The following IFT140 variants were observed in gnomAD, a reference collection of about 807,000 sequenced individuals.
IFT140 encodes the protein intraflagellar transport protein 140 homolog.
In IFT140, 133 loss-of-function variants were observed where a neutral mutation model predicts 164.6. That is an observed-to-expected ratio of 0.81 (90% CI 0.70 to 0.93). IFT140 has a LOEUF of 0.93. Ranked by LOEUF, IFT140 falls within the 40% of genes least tolerant of loss-of-function variation. The pLI is 0.00. For missense variants in IFT140, 2,045 were observed against 1,972.3 expected, an observed-to-expected ratio of 1.04 and a Z score of -0.70; for synonymous variants, 860 against 817.3, an observed-to-expected ratio of 1.05 and a Z score of -0.89.
chr16:1,570,983 C>A (rs1451113136), intron 14 of IFT140, among the ~76,000 whole-genome samples: 1 of 152,190 alleles, frequency 6.6e-6, no homozygotes, highest in Non-Finnish European at 1.5e-5. Context: ...TCTCAAACTC[C>A]TGGGCTCAAG....
intron 3 of IFT140, among the ~76,000 whole-genome samples, chr16:1,603,904 C>T (rs570660824): frequency 1.1e-4 from 17 of 152,202 alleles, no homozygotes; most frequent in Non-Finnish European, 2.5e-4. Flanking sequence ...CTTCTGTGAT[C>T]TCATCATTGT....
At chr16:1,515,242 G>A (rs1465268820) in intron 30 of IFT140, among the ~76,000 whole-genome samples, 2 of 152,168 alleles carry the variant, frequency 1.3e-5, no homozygotes, top group Non-Finnish European at 1.5e-5. Flanking sequence ...TCGCACTGCT[G>A]AAACACAAAT....
rs778004145 is a variant in IFT140, at chr16:1,525,954, G to A, written c.2701C>T (p.Arg901Cys). ...CCGGCATAGCGGTGGTAGGTGCTGC[G>A]CAGGTGCACGCGATCGTGGTGCTCG... Reference protein sequence around the residue: ...VAEHHDRVHLRSTYHRYAGHL... With the variant: ...VAEHHDRVHLCSTYHRYAGHL... The change falls in exon 21 of 31, where the codon CGC (arginine) becomes TGC (cysteine). Residue 901 changes from arginine (R) to cysteine (C), a missense_variant. Coordinates refer to ENST00000426508, the MANE Select transcript of IFT140 (RefSeq NM_014714.4). 22 of 1,580,702 alleles carry A rather than the reference G, an allele frequency of 1.4e-5. No individual in the cohort carries two copies. The highest frequency in any genetic ancestry group is 1.0e-4 in the South Asian group (9 of 86,434).
intron 19 of IFT140, chr16:1,534,106 G>A (rs1041001692): frequency 2.6e-5 from 20 of 775,878 alleles, no homozygotes; most frequent in African/African-American, 7.2e-5. Flanking sequence ...GGATAAGGCC[G>A]GGCCGAGAGG....
chr16:1,516,991 G>A (rs1596292772), intron 30 of IFT140, among the ~76,000 whole-genome samples: 1 of 152,264 alleles, frequency 6.6e-6, no homozygotes, highest in East Asian at 1.9e-4. Context: ...GTCCTTGGGG[G>A]AGAAAAGAAG....
At chr16:1,568,124 C>T (rs2033820046) in intron 15 of IFT140, 93 bp downstream of exon 15, 2 of 842,734 alleles carry the variant, frequency 2.4e-6, no homozygotes, top group African/African-American at 1.7e-5. Flanking sequence ...AAGACTTGCA[C>T]AGGAGGAGAG....
chr16:1,569,116 T>C (rs1468418089), intron 14 of IFT140, among the ~76,000 whole-genome samples: 2 of 151,012 alleles, frequency 1.3e-5, no homozygotes, highest in Admixed American at 6.6e-5. Flanking sequence ...GCCATTCTCC[T>C]GCCTCAGCCT....
At chr16:1,601,450 G>A (rs538269984) in intron 4 of IFT140, among the ~76,000 whole-genome samples, 11 of 152,156 alleles carry the variant, frequency 7.2e-5, no homozygotes, top group Non-Finnish European at 1.5e-4. Context: ...CTGTGCCTGG[G>A]TAGGGAATGC....
chr16:1,556,541 C>A (rs756900994), intron 19 of IFT140, among the ~76,000 whole-genome samples: 1 of 152,238 alleles, frequency 6.6e-6, no homozygotes, highest in African/African-American at 2.4e-5. Context: ...GGCCTTCTAG[C>A]GAGTTGAGGG....
At chr16:1,520,868 C>G (rs911935215) in intron 26 of IFT140, 60 bp from the exon 27 acceptor site, 2 of 1,482,772 alleles carry the variant, frequency 1.3e-6, no homozygotes, top group African/African-American at 1.4e-5. Flanking sequence ...AAGTGCGCCC[C>G]TCATCTGCCA....
At chr16:1,560,242 A>T (rs1173938561) in intron 18 of IFT140, among the ~76,000 whole-genome samples, 1 of 152,236 alleles carries the variant, frequency 6.6e-6, no homozygotes. Context: ...ATGCTTTCCC[A>T]GTCTTCATGA....
intron 7 of IFT140, among the ~76,000 whole-genome samples, chr16:1,588,630 G>A (rs2035022041): frequency 6.6e-6 from 1 of 152,100 alleles, no homozygotes; most frequent in Non-Finnish European, 1.5e-5. Flanking sequence ...AGTTGAGCTG[G>A]TGCTCCCTGT....
intron 13 of IFT140, among the ~76,000 whole-genome samples, chr16:1,579,849 A>C (rs1323583900): frequency 6.6e-6 from 1 of 151,920 alleles, no homozygotes; most frequent in Non-Finnish European, 1.5e-5. Flanking sequence ...CTGTAGTCCT[A>C]GCTACTCAGG....
chr16:1,534,392 C>T lies in IFT140; in HGVS notation c.2400-7596G>A, dbSNP rs545856687. On this transcript the variant is annotated intron_variant, in intron 19 of 30. Coordinates refer to ENST00000426508, the MANE Select transcript of IFT140 (RefSeq NM_014714.4). ...TGTGCCAGACGCTGGAGGATGGGCG[C>T]AGGCGCAGCGTGGGGCTGTGGAGGT... 1.2e-5 allele frequency: 19 copies of T among 1,612,798 alleles called. No homozygotes were observed. In the East Asian group the frequency reaches 3.8e-4, roughly 32 times the overall value.
chr16:1,569,432 C>T (rs1309524748), intron 14 of IFT140, among the ~76,000 whole-genome samples: 1 of 150,960 alleles, frequency 6.6e-6, no homozygotes, highest in Non-Finnish European at 1.5e-5. Context: ...TCCTTCCTCC[C>T]TCCCTCCCTC....
chr16:1,586,287 A>G lies in IFT140; in HGVS notation c.1010-12T>C. The G allele has an allele frequency of 6.2e-7, 1 of 1,608,448 alleles. No individual in the cohort carries two copies. The highest frequency in any genetic ancestry group is 8.5e-7 in the Non-Finnish European group (1 of 1,177,384). ...AGCGGCCAGAAGACCTACAGGTAGA[A>G]ACAAACTGCATGTGAACAGAGTTAA... On this transcript the variant is annotated splice_polypyrimidine_tract_variant and intron_variant, in intron 9 of 30. Transcript: ENST00000426508.
rs2040122567 is a variant in IFT140, at chr16:1,510,974, C to G, written c.4359G>C (p.Glu1453Asp). 2 of 1,612,230 alleles carry G rather than the reference C, an allele frequency of 1.2e-6. No homozygotes were observed. Among genetic ancestry groups the G allele is most frequent in the African/African-American group, 1.3e-5 (1 of 74,918 alleles). Residue 1453 changes from glutamate (E) to aspartate (D), a missense_variant, in exon 31 of 31, where the codon GAG becomes GAC. Physicochemically the swap from Glu to Asp is conservative, Grantham distance 45. Coordinates refer to ENST00000426508, the MANE Select transcript of IFT140 (RefSeq NM_014714.4). ...SMEDARELDE[E>D]VVEEADDDP ...GGTCGTCATCTGCCTCTTCCACCAC[C>G]TCCTCGTCCAGCTCCCTGGCGTCCT...
At chr16:1,541,153 G>A in intron 19 of IFT140, 1 of 985,450 alleles carries the variant, frequency 1.0e-6, no homozygotes. Flanking sequence ...CCTGGCTCCT[G>A]CAACCAGGTG....
chr16:1,525,173 G>T, intron 22 of IFT140, 58 bp downstream of exon 22: 1 of 1,392,856 alleles, frequency 7.2e-7, no homozygotes, highest in Non-Finnish European at 1.0e-6. Context: ...AAGCCCTGGG[G>T]TCCCTGCAAA....
Sources: allele counts gnomAD v4.1 joint callset (sites outside exome capture counted in the v4.1 genomes callset), GRCh38; gene constraint gnomAD v4.1.1; transcripts MANE v1.5; gene names NCBI Gene and HGNC (gene_info 2026-07-23, HGNC 2026-07-21).